CYP39A1: variants seen among roughly 807,000 people sequenced by gnomAD.
CYP39A1 encodes the protein cytochrome P450 family 39 subfamily A member 1, also known as 24-hydroxycholesterol 7-alpha-hydroxylase.
CYP39A1 carries 49 observed loss-of-function variants against 58.1 expected under a neutral mutation model. That is an observed-to-expected ratio of 0.84 (90% CI 0.67 to 1.07). CYP39A1 has a LOEUF of 1.07. Ranked by LOEUF, CYP39A1 falls within the 50% of genes least tolerant of loss-of-function variation. CYP39A1 has a pLI of 0.00. For synonymous variants in CYP39A1, 209 were observed against 187.6 expected (o/e 1.11, Z -0.93); for missense variants, 531 against 539.4 (o/e 0.98, Z 0.16).
intron 6 of CYP39A1, among the ~76,000 whole-genome samples, chr6:46,627,804 T>C (rs575437143): frequency 6.6e-6 from 1 of 152,330 alleles, no homozygotes; most frequent in African/African-American, 2.4e-5. Flanking sequence ...TAAAAAGGCA[T>C]ATAAAATAGT....
intron 6 of CYP39A1, among the ~76,000 whole-genome samples, chr6:46,627,487 C>T (rs949392724): frequency 1.6e-4 from 24 of 151,660 alleles, no homozygotes; most frequent in African/African-American, 5.6e-4. Context: ...GGCGCAATCT[C>T]GGCTCACTGC....
Position 46,600,548 on chromosome 6 carries a change from G to A in CYP39A1, c.932-4428C>T, listed in dbSNP as rs575820892. On this transcript the variant is annotated intron_variant, in intron 7 of 11. Coordinates refer to ENST00000275016, the MANE Select transcript of CYP39A1 (RefSeq NM_016593.5). ...CTGCCAGCCCCATTCCCCAGCCTCT[G>A]GGGAAGGGAGGTGGGCTGGGGATTC... Among the ~76,000 whole-genome samples, 21 of 152,218 alleles carry A rather than the reference G, an allele frequency of 1.4e-4. No homozygotes were observed. In the Middle Eastern group the frequency reaches 0.014, roughly 99 times the overall value.
chr6:46,576,216 T>C (rs574721847), intron 10 of CYP39A1, among the ~76,000 whole-genome samples: 2 of 152,256 alleles, frequency 1.3e-5, no homozygotes, highest in African/African-American at 4.8e-5. Context: ...TACTAAATCA[T>C]TCGTGGAAAA....
chr6:46,640,805 ATTG>A (rs1179165481), intron 2 of CYP39A1, among the ~76,000 whole-genome samples: 1 of 122,318 alleles, frequency 8.2e-6, no homozygotes, highest in African/African-American at 3.1e-5. Context: ...CCCTGTGTCC[ATTG>A]TTGTCATTTT....
intron 10 of CYP39A1, among the ~76,000 whole-genome samples, chr6:46,559,524 GACACATTTAC>G (rs1770853950): frequency 6.6e-6 from 1 of 152,152 alleles, no homozygotes; most frequent in Non-Finnish European, 1.5e-5. Context: ...CATAAGAACT[GACACATTTAC>G]ACTATCTTGT....
chr6:46,648,678 A>T (rs537971505), intron 1 of CYP39A1, among the ~76,000 whole-genome samples: 2 of 152,202 alleles, frequency 1.3e-5, no homozygotes, highest in South Asian at 4.1e-4. Flanking sequence ...TAATAAAAAA[A>T]AATTATAAAC....
chr6:46,609,357 C>T (rs1038490667), intron 7 of CYP39A1, among the ~76,000 whole-genome samples: 2 of 149,634 alleles, frequency 1.3e-5, no homozygotes, highest in East Asian at 2.0e-4. Context: ...GAGCTGAGTC[C>T]GCGCCACTGA....
chr6:46,636,941 A>G (rs1005561643), intron 4 of CYP39A1, among the ~76,000 whole-genome samples: 4 of 152,102 alleles, frequency 2.6e-5, no homozygotes, highest in Non-Finnish European at 5.9e-5. Context: ...GTCTCTCCCA[A>G]ATCTTTATAT....
intron 11 of CYP39A1, among the ~76,000 whole-genome samples, chr6:46,551,138 G>A (rs950508833): frequency 1.3e-5 from 2 of 152,058 alleles, no homozygotes; most frequent in African/African-American, 4.8e-5. Context: ...AGATGAGGTG[G>A]ATCCAATTTA....
intron 7 of CYP39A1, among the ~76,000 whole-genome samples, chr6:46,605,126 T>C (rs1409479314): frequency 2.6e-5 from 4 of 152,024 alleles, no homozygotes; most frequent in Admixed American, 1.3e-4. Flanking sequence ...GGACCTCAGG[T>C]TGGACAAGCT....
intron 2 of CYP39A1, among the ~76,000 whole-genome samples, chr6:46,641,053 T>C (rs906648396): frequency 6.6e-6 from 1 of 151,924 alleles, no homozygotes; most frequent in Non-Finnish European, 1.5e-5. Flanking sequence ...ATACATCTAC[T>C]ATATGGGAGG....
intron 7 of CYP39A1, among the ~76,000 whole-genome samples, chr6:46,611,387 G>A (rs1011081952): frequency 3.9e-5 from 6 of 152,190 alleles, no homozygotes; most frequent in South Asian, 2.1e-4. Context: ...TGACTGCAAC[G>A]TTTCTGAGAA....
intron 10 of CYP39A1, among the ~76,000 whole-genome samples, chr6:46,582,901 C>G (rs534231791): frequency 5.9e-5 from 9 of 152,038 alleles, no homozygotes; most frequent in African/African-American, 2.2e-4. Context: ...AAATAGTTAT[C>G]AAATAAAAGA....
chr6:46,615,182 A>G (rs1054583796), intron 7 of CYP39A1, among the ~76,000 whole-genome samples: 6 of 152,042 alleles, frequency 3.9e-5, no homozygotes, highest in Admixed American at 1.3e-4. Flanking sequence ...TGCGTGGCCA[A>G]AAATGGATAC....
rs806496 is a variant in CYP39A1, at chr6:46,564,183, C to T, written c.1251-10329G>A. ...TTATTCTATTTTATTCTATTTTATTCTATTTTATTTTATTTTATTTTATTT... is the reference window on the plus strand; with the variant it reads ...TTATTCTATTTTATTCTATTTTATTTTATTTTATTTTATTTTATTTTATTT... On this transcript the variant is annotated intron_variant, in intron 10 of 11. Transcript: ENST00000275016. 3.4e-3 allele frequency among the ~76,000 whole-genome samples: 279 copies of T among 82,024 alleles called. 10 individuals carry two copies. The highest frequency in any genetic ancestry group is 0.018 in the African/African-American group (181 of 9,954). The allele number at this position is 82,024 out of a possible 152,430, so 53.8% of individuals were successfully genotyped here. A position where few individuals can be genotyped will look rare whatever the true frequency, so the allele number is the denominator to read the frequency against.
At chr6:46,620,958 A>G (rs1041738301) in intron 7 of CYP39A1, among the ~76,000 whole-genome samples, 2 of 152,170 alleles carry the variant, frequency 1.3e-5, no homozygotes, top group Admixed American at 1.3e-4. Flanking sequence ...AACCCTGAGG[A>G]AAGGGAAGAA....
At chr6:46,610,671 TCA>T (rs1267720477) in intron 7 of CYP39A1, among the ~76,000 whole-genome samples, 1 of 152,132 alleles carries the variant, frequency 6.6e-6, no homozygotes, top group African/African-American at 2.4e-5. Flanking sequence ...TTATTTATAA[TCA>T]CAGTTATTTT....
chr6:46,574,177 T>C (rs1771738272), intron 10 of CYP39A1, among the ~76,000 whole-genome samples: 1 of 152,220 alleles, frequency 6.6e-6, no homozygotes, highest in African/African-American at 2.4e-5. Context: ...GCTTTTCTAG[T>C]CTCAAAATAG....
intron 8 of CYP39A1, among the ~76,000 whole-genome samples, chr6:46,594,767 T>A (rs1773044319): frequency 6.6e-6 from 1 of 151,902 alleles, no homozygotes; most frequent in Non-Finnish European, 1.5e-5. Flanking sequence ...TTTTTGAGAA[T>A]ATGAATCCAA....
Sources: gnomAD v4.1 joint callset for allele counts (sites outside exome capture counted in the v4.1 genomes callset) on GRCh38, gnomAD v4.1.1 for gene constraint, MANE v1.5 for transcripts, NCBI Gene and HGNC (gene_info 2026-07-23, HGNC 2026-07-21) for gene names.